Variants in FRMPD4 observed in about 807,000 individuals in gnomAD.
FRMPD4 encodes FERM and PDZ domain containing 4.
Under a neutral mutation model 94.1 loss-of-function variants are expected in FRMPD4, and 22 were observed. The observed-to-expected ratio is 0.23, with a 90% confidence interval of 0.17 to 0.33. The LOEUF (loss-of-function observed/expected upper bound fraction) is 0.33. Among genes scored for constraint, FRMPD4 ranks in the 10% least tolerant of loss-of-function variants. The probability of loss-of-function intolerance (pLI) is 1.00; values close to 1 mark genes in which losing one functional copy is unlikely to be tolerated. For missense variants in FRMPD4, 1,111 were observed against 1,339.9 expected (o/e 0.83, Z 2.67); for synonymous variants, 631 against 548.6 (o/e 1.15, Z -2.10).
intron 3 of FRMPD4, among the ~76,000 whole-genome samples, chrX:11,931,215 C>T (rs1159863613): frequency 1.8e-5 from 2 of 111,919 alleles, no homozygotes; most frequent in African/African-American, 6.5e-5. Flanking sequence ...TCAGTGAGCC[C>T]CCAGATTCCA....
intron 1 of FRMPD4, among the ~76,000 whole-genome samples, chrX:12,477,291 A>G (rs1053202044): frequency 1.8e-5 from 2 of 109,944 alleles, no homozygotes; most frequent in Non-Finnish European, 3.8e-5. Flanking sequence ...AACATCACAC[A>G]CCGGGGCCTG....
intron 3 of FRMPD4, among the ~76,000 whole-genome samples, chrX:11,961,473 C>G (rs2054282919): frequency 8.9e-6 from 1 of 112,279 alleles, no homozygotes; most frequent in Non-Finnish European, 1.9e-5. Flanking sequence ...TCCAGCTTTT[C>G]TTTGCTAAGA....
At chrX:11,920,198 A>C (rs1031395453) in intron 3 of FRMPD4, among the ~76,000 whole-genome samples, 1 of 112,089 alleles carries the variant, frequency 8.9e-6, no homozygotes, top group Non-Finnish European at 1.9e-5. Flanking sequence ...GGGGGAAAAA[A>C]GCCCAACATT....
intron 3 of FRMPD4, among the ~76,000 whole-genome samples, chrX:12,023,923 T>C (rs1030088451): frequency 1.8e-5 from 2 of 111,844 alleles, no homozygotes; most frequent in African/African-American, 6.5e-5. Flanking sequence ...CTTGAATCTT[T>C]ATTGGGAGAG....
At chrX:12,081,838 G>T (rs1207593591) in intron 3 of FRMPD4, among the ~76,000 whole-genome samples, 1 of 111,518 alleles carries the variant, frequency 9.0e-6, no homozygotes, top group African/African-American at 3.3e-5. Context: ...TGAAATTTAT[G>T]ATGTGAGGAG....
chrX:11,995,363 G>A (rs2054491073), intron 3 of FRMPD4, among the ~76,000 whole-genome samples: 1 of 110,994 alleles, frequency 9.0e-6, no homozygotes, highest in Non-Finnish European at 1.9e-5. Flanking sequence ...GCACAGATCA[G>A]CCTGGAAGAG....
In FRMPD4 at chrX:12,434,763, A is replaced by G. The variant is rs770117903; in HGVS notation, c.42-63917A>G. ...AAAGCCAAAAGCACAGGGCAGCTAC[A>G]CAGTGCAGGAGGCACAGAATGGGTG... On this transcript the variant is annotated intron_variant, in intron 1 of 16. Coordinates refer to ENST00000675598, the MANE Select transcript of FRMPD4 (RefSeq NM_001368397.1). Among the ~76,000 whole-genome samples, 11 of 112,802 alleles carry G rather than the reference A, an allele frequency of 9.8e-5. No homozygotes were observed. The South Asian group carries it at 4.0e-3, about 41-fold the overall frequency.
At chrX:12,251,894 T>A (rs1456879362) in intron 1 of FRMPD4, among the ~76,000 whole-genome samples, 1 of 111,981 alleles carries the variant, frequency 8.9e-6, no homozygotes, top group Non-Finnish European at 1.9e-5. Flanking sequence ...TTAGGCAAAG[T>A]GGCCGACCAC....
intron 3 of FRMPD4, among the ~76,000 whole-genome samples, chrX:12,106,402 G>A (rs1223267652): frequency 1.8e-5 from 2 of 111,488 alleles, no homozygotes; most frequent in African/African-American, 3.3e-5. Flanking sequence ...ACTGGGGGAG[G>A]GGGAATTAAG....
At chrX:12,354,499 A>G (rs768742057) in intron 1 of FRMPD4, among the ~76,000 whole-genome samples, 5 of 112,342 alleles carry the variant, frequency 4.5e-5, no homozygotes, top group Admixed American at 3.8e-4. Context: ...AAAAGCCTGA[A>G]CAAAGCTGAG....
At chrX:12,398,641 C>A (rs760637451) in intron 1 of FRMPD4, among the ~76,000 whole-genome samples, 28 of 111,528 alleles carry the variant, frequency 2.5e-4, no homozygotes, top group African/African-American at 9.1e-4. Context: ...GGTCCTAAAA[C>A]GCCAGTTTCT....
At chrX:11,916,560 G>T (rs1405334197) in intron 3 of FRMPD4, among the ~76,000 whole-genome samples, 2 of 111,151 alleles carry the variant, frequency 1.8e-5, no homozygotes, top group African/African-American at 3.3e-5. Context: ...GGGATTCAAA[G>T]ATTTGGGTGG....
chrX:12,418,585 C>T (rs2056842772), intron 1 of FRMPD4, among the ~76,000 whole-genome samples: 1 of 109,280 alleles, frequency 9.2e-6, no homozygotes, highest in Non-Finnish European at 1.9e-5. Context: ...GTCTCGAACT[C>T]CCGACCTCGT....
rs147216386 is a variant in FRMPD4, at chrX:12,240,566, C to T, written c.41+101554C>T. 9.6e-3 allele frequency among the ~76,000 whole-genome samples: 1,082 copies of T among 112,157 alleles called. 12 individuals carry two copies. The highest frequency in any genetic ancestry group is 0.033 in the African/African-American group (1,034 of 30,869). ...AGTAAATGCATGAGCTCTTTTATTC[C>T]CTCTCCCCAAGCTGTCATTATTTCA... is the stretch of plus-strand genomic sequence containing the variant. On this transcript the variant is annotated intron_variant, in intron 1 of 16. Transcript: ENST00000675598.
At chrX:12,652,715 GC>G (rs1407981345) in intron 4 of FRMPD4, among the ~76,000 whole-genome samples, 1 of 112,066 alleles carries the variant, frequency 8.9e-6, no homozygotes, top group African/African-American at 3.2e-5. Context: ...GGCTGGGCTT[GC>G]CTGGAAACTA....
chrX:12,330,082 C>A (rs770644395), intron 1 of FRMPD4, among the ~76,000 whole-genome samples: 1 of 110,776 alleles, frequency 9.0e-6, no homozygotes, highest in South Asian at 3.9e-4. Flanking sequence ...GTGATTCATG[C>A]AGAATACTTA....
intron 2 of FRMPD4, among the ~76,000 whole-genome samples, chrX:12,583,197 C>T (rs2058886589): frequency 8.8e-6 from 1 of 113,143 alleles, no homozygotes; most frequent in Admixed American, 9.3e-5. Flanking sequence ...AGTTTGCATT[C>T]TGATTACTCA....
At chrX:12,504,759 T>C (rs2057961779) in intron 2 of FRMPD4, among the ~76,000 whole-genome samples, 1 of 112,454 alleles carries the variant, frequency 8.9e-6, no homozygotes, top group East Asian at 2.8e-4. Context: ...CACAAAGAGC[T>C]GTGCTAGGCA....
intron 2 of FRMPD4, among the ~76,000 whole-genome samples, chrX:12,562,249 A>G (rs749411136): frequency 8.9e-6 from 1 of 112,887 alleles, no homozygotes; most frequent in East Asian, 2.8e-4. Flanking sequence ...ACTTAAAAAT[A>G]CTTTTTTCTT....
Sources: allele counts gnomAD v4.1 joint callset (sites outside exome capture counted in the v4.1 genomes callset), GRCh38; gene constraint gnomAD v4.1.1; transcripts MANE v1.5; gene names NCBI Gene and HGNC (gene_info 2026-07-23, HGNC 2026-07-21).